ZNF804B: variants seen among roughly 807,000 people sequenced by gnomAD.
ZNF804B encodes the protein zinc finger 804B.
In ZNF804B, 80 loss-of-function variants were observed where a neutral mutation model predicts 101.4. That is an observed-to-expected ratio of 0.79 (90% CI 0.66 to 0.95). The LOEUF (loss-of-function observed/expected upper bound fraction) is 0.95. ZNF804B is among the 40% of genes least tolerant of loss of function. The probability of loss-of-function intolerance (pLI) is 0.00; values close to 1 mark genes in which losing one functional copy is unlikely to be tolerated. For synonymous variants in ZNF804B, 622 were observed against 558.8 expected (o/e 1.11, Z -1.59); for missense variants, 1,673 against 1,561.9 (o/e 1.07, Z -1.20).
intron 1 of ZNF804B, among the ~76,000 whole-genome samples, chr7:88,883,658 C>A (rs914621857): frequency 1.3e-5 from 2 of 152,036 alleles, no homozygotes; most frequent in Non-Finnish European, 2.9e-5. Context: ...CTTGTTAAAC[C>A]CACAGATTAT....
chr7:88,822,522 C>A (rs1283941087), intron 1 of ZNF804B, among the ~76,000 whole-genome samples: 1 of 152,054 alleles, frequency 6.6e-6, no homozygotes, highest in Non-Finnish European at 1.5e-5. Context: ...AGATAGTGAA[C>A]TTTAGCATAA....
intron 1 of ZNF804B, among the ~76,000 whole-genome samples, chr7:88,857,458 A>G (rs1182520331): frequency 1.3e-5 from 2 of 152,194 alleles, no homozygotes; most frequent in Non-Finnish European, 2.9e-5. Context: ...AGAAATACAA[A>G]CTACCATCAG....
At chr7:88,992,582 G>C (rs1245884468) in intron 1 of ZNF804B, among the ~76,000 whole-genome samples, 1 of 152,082 alleles carries the variant, frequency 6.6e-6, no homozygotes, top group Non-Finnish European at 1.5e-5. Flanking sequence ...GCTCATTTTA[G>C]AGAAAATGAC....
intron 1 of ZNF804B, among the ~76,000 whole-genome samples, chr7:89,137,758 A>T (rs1171226752): frequency 6.6e-6 from 1 of 152,164 alleles, no homozygotes; most frequent in Non-Finnish European, 1.5e-5. Flanking sequence ...AGCATAAATA[A>T]TGAGAAGCCT....
At chr7:88,973,877 T>C (rs78892265) in intron 1 of ZNF804B, among the ~76,000 whole-genome samples, 3,423 of 151,538 alleles carry the variant, frequency 0.023, 135 homozygotes, top group African/African-American at 0.078. Context: ...ATCATCCCAT[T>C]GACACAACTT....
At chr7:88,824,854 C>T (rs1735844220) in intron 1 of ZNF804B, among the ~76,000 whole-genome samples, 1 of 152,088 alleles carries the variant, frequency 6.6e-6, no homozygotes, top group African/African-American at 2.4e-5. Flanking sequence ...GACTTACAAT[C>T]AGTAGTAATG....
At chr7:88,915,317 A>G (rs1201771632) in intron 1 of ZNF804B, among the ~76,000 whole-genome samples, 1 of 152,082 alleles carries the variant, frequency 6.6e-6, no homozygotes, top group Non-Finnish European at 1.5e-5. Context: ...TCTAAATTCC[A>G]AAGGGACATA....
At chr7:88,808,551 T>G (rs1790727791) in intron 1 of ZNF804B, among the ~76,000 whole-genome samples, 1 of 152,112 alleles carries the variant, frequency 6.6e-6, no homozygotes, top group South Asian at 2.1e-4. Context: ...AACAGTGTAC[T>G]GGGATTTAAC....
At chr7:89,184,527 C>T (rs183633785) in intron 1 of ZNF804B, among the ~76,000 whole-genome samples, 17 of 152,220 alleles carry the variant, frequency 1.1e-4, no homozygotes, top group Admixed American at 6.5e-5. Context: ...TTATCAGTTT[C>T]GTGTTCATGT....
intron 1 of ZNF804B, among the ~76,000 whole-genome samples, chr7:89,089,037 C>T (rs545080719): frequency 1.3e-5 from 2 of 148,852 alleles, no homozygotes; most frequent in Non-Finnish European, 3.0e-5. Context: ...ATCACATAAG[C>T]CTTTTTTTCC....
chr7:89,255,093 G>T (rs181992753), intron 2 of ZNF804B, among the ~76,000 whole-genome samples: 29 of 152,286 alleles, frequency 1.9e-4, no homozygotes, highest in African/African-American at 6.0e-4. Context: ...GTTCCACATT[G>T]CTGGGAGGCC....
At chr7:89,250,732 G>T (rs570912454) in intron 2 of ZNF804B, among the ~76,000 whole-genome samples, 2 of 152,150 alleles carry the variant, frequency 1.3e-5, no homozygotes, top group African/African-American at 4.8e-5. Context: ...ACATCAAAAT[G>T]TTAATTCAGC....
intron 1 of ZNF804B, among the ~76,000 whole-genome samples, chr7:88,811,970 T>A (rs184079947): frequency 1.3e-5 from 2 of 152,106 alleles, no homozygotes; most frequent in African/African-American, 4.8e-5. Flanking sequence ...CCCAGAACTT[T>A]AAAAAAAATT....
At chr7:89,026,431 A>G (rs1005478647) in intron 1 of ZNF804B, among the ~76,000 whole-genome samples, 1 of 152,146 alleles carries the variant, frequency 6.6e-6, no homozygotes, top group African/African-American at 2.4e-5. Context: ...GAAGTGGCAT[A>G]ATATGATTAC....
chr7:88,873,473 A>G (rs1302045396), intron 1 of ZNF804B, among the ~76,000 whole-genome samples: 4 of 152,126 alleles, frequency 2.6e-5, no homozygotes, highest in Non-Finnish European at 5.9e-5. Flanking sequence ...CTTTAGTTTA[A>G]TTAGATCCCA....
chr7:89,182,438 T>C, intron 1 of ZNF804B, among the ~76,000 whole-genome samples: 1 of 152,190 alleles, frequency 6.6e-6, no homozygotes, highest in Non-Finnish European at 1.5e-5. Flanking sequence ...CTGTCCTTGA[T>C]AATCCCATGA....
intron 1 of ZNF804B, among the ~76,000 whole-genome samples, chr7:89,198,938 T>A (rs758443564): frequency 6.6e-6 from 1 of 151,806 alleles, no homozygotes; most frequent in Non-Finnish European, 1.5e-5. Context: ...AAGTAACTTA[T>A]CGGGAATATG....
chr7:89,065,039 GA>G (rs1310372229), intron 1 of ZNF804B, among the ~76,000 whole-genome samples: 1 of 151,376 alleles, frequency 6.6e-6, no homozygotes, highest in Admixed American at 6.6e-5. Context: ...CAGTTTGGAG[GA>G]AAAAAATCAC....
At chr7:89,218,601 A>G (rs10233702) in intron 2 of ZNF804B, among the ~76,000 whole-genome samples, 108,058 of 151,970 alleles carry the variant, frequency 0.71, 39,086 homozygotes, top group African/African-American at 0.77. Context: ...TCAAAAATCC[A>G]CATATAACTT....
Sources: gnomAD v4.1 joint callset for allele counts (sites outside exome capture counted in the v4.1 genomes callset) on GRCh38, gnomAD v4.1.1 for gene constraint, MANE v1.5 for transcripts, NCBI Gene and HGNC (gene_info 2026-07-23, HGNC 2026-07-21) for gene names.